The following ZNF385D variants were observed in gnomAD, a reference collection of about 807,000 sequenced individuals.
ZNF385D encodes the protein zinc finger protein 659.
Under a neutral mutation model 35.8 loss-of-function variants are expected in ZNF385D, and 15 were observed. That is an observed-to-expected ratio of 0.42 (90% confidence interval 0.28 to 0.64). The LOEUF is 0.64. ZNF385D is among the 30% of genes least tolerant of loss of function. The pLI is 0.23. For missense variants in ZNF385D, 474 were observed against 494.6 expected, an observed-to-expected ratio of 0.96 and a Z score of 0.39; for synonymous variants, 212 against 186.8, an observed-to-expected ratio of 1.13 and a Z score of -1.10.
intron 3 of ZNF385D, among the ~76,000 whole-genome samples, chr3:22,141,790 C>G (rs1395810690): frequency 1.3e-5 from 2 of 152,178 alleles, no homozygotes; most frequent in African/African-American, 2.4e-5. Flanking sequence ...AGTCGTTATT[C>G]AGTTTTCAAT....
chr3:22,372,505 C>G (rs1288613599), exon 2 of ZNF385D: 2 of 985,892 alleles, frequency 2.0e-6, no homozygotes, highest in Non-Finnish European at 2.4e-6. Context: ...TTCCTCCCAC[C>G]GAGCTCTTCA....
chr3:21,806,185 TTTC>T lies in ZNF385D; in HGVS notation c.326-141160_326-141158del, dbSNP rs1176685542. On this transcript the variant is annotated intron_variant, in intron 3 of 5. Transcript: ENST00000494108. ...TTTCACTTCTGCATTCCTTCTTTCC[TTTC>T]TTTTTTTTTTTAAATTTCTTATTTT... is the stretch of plus-strand genomic sequence containing the variant. Among the ~76,000 whole-genome samples the T allele has an allele frequency of 2.0e-5, 3 of 151,774 alleles. No individual in the cohort carries two copies. In the East Asian group the frequency reaches 5.8e-4, roughly 29 times the overall value.
chr3:22,283,139 T>A (rs1358226977), intron 2 of ZNF385D, among the ~76,000 whole-genome samples: 1 of 151,974 alleles, frequency 6.6e-6, no homozygotes. Flanking sequence ...AATATCACAA[T>A]CCTAAATATA....
intron 2 of ZNF385D, among the ~76,000 whole-genome samples, chr3:22,216,196 A>T (rs1307810003): frequency 3.3e-5 from 5 of 152,058 alleles, no homozygotes; most frequent in African/African-American, 1.2e-4. Context: ...CCTTGCCAGA[A>T]TATTTTTTCC....
At chr3:21,800,832 C>T (rs986102621) in intron 3 of ZNF385D, among the ~76,000 whole-genome samples, 20 of 151,932 alleles carry the variant, frequency 1.3e-4, no homozygotes, top group African/African-American at 4.3e-4. Context: ...CACATAGTTT[C>T]GCTTCTTTTT....
intron 2 of ZNF385D, among the ~76,000 whole-genome samples, chr3:21,609,285 T>C (rs1257462828): frequency 3.3e-5 from 5 of 152,214 alleles, no homozygotes; most frequent in Admixed American, 6.5e-5. Context: ...GGGTCAGCTA[T>C]AGATAGAATT....
At chr3:21,469,261 C>G (rs1703733953) in intron 4 of ZNF385D, among the ~76,000 whole-genome samples, 1 of 152,178 alleles carries the variant, frequency 6.6e-6, no homozygotes, top group African/African-American at 2.4e-5. Flanking sequence ...GAGGAGGCCA[C>G]AGACTTTTGT....
At chr3:21,824,894 TA>T (rs1217019776) in intron 3 of ZNF385D, among the ~76,000 whole-genome samples, 14 of 152,338 alleles carry the variant, frequency 9.2e-5, no homozygotes, top group African/African-American at 3.4e-4. Flanking sequence ...TTTTGCACTC[TA>T]ATGCTGATTG....
At chr3:22,138,433 T>A (rs1704292343) in intron 3 of ZNF385D, among the ~76,000 whole-genome samples, 1 of 152,098 alleles carries the variant, frequency 6.6e-6, no homozygotes, top group African/African-American at 2.4e-5. Flanking sequence ...AAGGCTACAG[T>A]AACCAAAACA....
intron 2 of ZNF385D, among the ~76,000 whole-genome samples, chr3:22,286,529 A>C (rs1248828102): frequency 3.3e-5 from 5 of 152,088 alleles, no homozygotes; most frequent in African/African-American, 1.2e-4. Context: ...TTTGATGCTC[A>C]TGATTGCTAC....
chr3:22,180,035 A>G (rs983473485), intron 2 of ZNF385D, among the ~76,000 whole-genome samples: 3 of 152,172 alleles, frequency 2.0e-5, no homozygotes, highest in Non-Finnish European at 4.4e-5. Context: ...TTGATAGACC[A>G]CTAGCAAGAC....
chr3:22,099,850 G>C (rs866830976), intron 3 of ZNF385D, among the ~76,000 whole-genome samples: 1 of 151,992 alleles, frequency 6.6e-6, no homozygotes, highest in African/African-American at 2.4e-5. Flanking sequence ...GAACAGATTG[G>C]AGCCTGGTTG....
intron 1 of ZNF385D, among the ~76,000 whole-genome samples, chr3:21,700,621 G>C (rs1288200557): frequency 6.6e-6 from 1 of 152,138 alleles, no homozygotes; most frequent in Admixed American, 6.5e-5. Context: ...AACTCACTTG[G>C]CCTTTCTGAT....
chr3:21,867,175 A>C (rs1559705532), intron 3 of ZNF385D, among the ~76,000 whole-genome samples: 2 of 152,148 alleles, frequency 1.3e-5, no homozygotes, highest in African/African-American at 4.8e-5. Flanking sequence ...CAGAGAGCAG[A>C]AGAGAGTGCA....
intron 3 of ZNF385D, among the ~76,000 whole-genome samples, chr3:21,973,673 A>G (rs1182303973): frequency 6.6e-6 from 1 of 152,078 alleles, no homozygotes; most frequent in Non-Finnish European, 1.5e-5. Context: ...ATATTTGGAA[A>G]AACCTAAAGA....
chr3:21,962,349 C>A (rs1049477260), intron 3 of ZNF385D, among the ~76,000 whole-genome samples: 2 of 152,082 alleles, frequency 1.3e-5, no homozygotes, highest in East Asian at 3.9e-4. Flanking sequence ...CAGGGGATGG[C>A]AGAACCACTC....
At chr3:22,329,032 G>C (rs1261256762) in intron 2 of ZNF385D, among the ~76,000 whole-genome samples, 2 of 139,604 alleles carry the variant, frequency 1.4e-5, no homozygotes, top group Admixed American at 7.6e-5. Context: ...AGCCGAGATC[G>C]CGCCACTGCA....
chr3:22,273,877 G>T (rs1474408610), intron 2 of ZNF385D, among the ~76,000 whole-genome samples: 1 of 151,952 alleles, frequency 6.6e-6, no homozygotes, highest in African/African-American at 2.4e-5. Context: ...AGGCAAAAAG[G>T]TGTGCTATAT....
At chr3:22,166,670 A>T (rs1185311040) in intron 3 of ZNF385D, among the ~76,000 whole-genome samples, 1 of 152,266 alleles carries the variant, frequency 6.6e-6, no homozygotes, top group African/African-American at 2.4e-5. Context: ...TTGTTTAAAA[A>T]TACTGAACTT....
Sources: gnomAD v4.1 joint callset for allele counts (sites outside exome capture counted in the v4.1 genomes callset) on GRCh38, gnomAD v4.1.1 for gene constraint, MANE v1.5 for transcripts, NCBI Gene and HGNC (gene_info 2026-07-23, HGNC 2026-07-21) for gene names.